Variants in PLCE1 observed in about 807,000 individuals in gnomAD.
PLCE1 encodes the protein 1-phosphatidylinositol 4,5-bisphosphate phosphodiesterase epsilon-1.
In PLCE1, 119 loss-of-function variants were observed where a neutral mutation model predicts 242.8. That is an observed-to-expected ratio of 0.49 (90% CI 0.42 to 0.57). PLCE1 has a LOEUF of 0.57. Among genes scored for constraint, PLCE1 ranks in the 20% least tolerant of loss-of-function variants. PLCE1 has a pLI of 0.00. For missense variants in PLCE1, 2,441 were observed against 2,788.8 expected, an observed-to-expected ratio of 0.88 and a Z score of 2.81; for synonymous variants, 945 against 1,017.4, an observed-to-expected ratio of 0.93 and a Z score of 1.35.
intron 22 of PLCE1, among the ~76,000 whole-genome samples, chr10:94,288,352 A>G (rs1379794477): frequency 2.0e-5 from 3 of 152,208 alleles, no homozygotes; most frequent in East Asian, 3.8e-4. Flanking sequence ...AGATCATCAG[A>G]TAAGATCGTG....
At chr10:94,233,932 A>AGT in intron 5 of PLCE1, 122 bp from the exon 6 acceptor site, 2 of 858,482 alleles carry the variant, frequency 2.3e-6, no homozygotes, top group Non-Finnish European at 3.7e-6. Context: ...TGGGCAACAG[A>AGT]GTGAGACTCC....
chr10:94,244,081 G>A (rs548312062), intron 7 of PLCE1, among the ~76,000 whole-genome samples: 8 of 152,248 alleles, frequency 5.3e-5, no homozygotes, highest in African/African-American at 1.9e-4. Context: ...CGTCAGATTT[G>A]TGAGACACTA....
chr10:94,286,678 G>A (rs920564467), intron 22 of PLCE1, among the ~76,000 whole-genome samples: 2 of 152,106 alleles, frequency 1.3e-5, no homozygotes, highest in African/African-American at 4.8e-5. Flanking sequence ...TCCTGTTGAG[G>A]AGGATATGAA....
rs1422511545 is a variant in PLCE1, at chr10:94,298,762, A to G, written c.5458+93A>G. ...TTTTTTCAAAGGGGCAAGATTCCAG[A>G]CTGGGGCACACCATATGTGAGAGTA... On this transcript the variant is annotated intron_variant, in intron 24 of 32. Coordinates refer to ENST00000371380, the MANE Select transcript of PLCE1 (RefSeq NM_016341.4). The surrounding 1 kb of genome is among the most constrained non-coding windows in gnomAD (Gnocchi z 5.2). 3 of 1,230,890 alleles carry G rather than the reference A, an allele frequency of 2.4e-6. No homozygotes were observed. In the East Asian group the frequency reaches 7.0e-5, roughly 29 times the overall value. 76.2% of individuals were successfully genotyped at this position (1,230,890 alleles called of 1,614,324 possible).
intron 8 of PLCE1, among the ~76,000 whole-genome samples, chr10:94,248,566 G>A (rs952980732): frequency 1.3e-5 from 2 of 151,286 alleles, no homozygotes; most frequent in African/African-American, 4.9e-5. Context: ...CTCCAGCCTG[G>A]GTGACAGAGC....
chr10:94,236,855 C>CCT (rs141019317), intron 7 of PLCE1, among the ~76,000 whole-genome samples: 3,752 of 150,566 alleles, frequency 0.025, 87 homozygotes, highest in African/African-American at 0.071. Context: ...TCTTAATCTC[C>CCT]CTCTCTCTCT....
intron 1 of PLCE1, among the ~76,000 whole-genome samples, chr10:94,004,641 T>G (rs2060999989): frequency 6.6e-6 from 1 of 152,208 alleles, no homozygotes; most frequent in Admixed American, 6.5e-5. Context: ...TGCTTACGTG[T>G]TGCCCCTCAT....
intron 4 of PLCE1, among the ~76,000 whole-genome samples, chr10:94,217,694 T>C (rs1041481698): frequency 6.6e-6 from 1 of 152,196 alleles, no homozygotes; most frequent in Non-Finnish European, 1.5e-5. Flanking sequence ...TTCTCCCTAG[T>C]TGATTTTAAA....
intron 23 of PLCE1, among the ~76,000 whole-genome samples, chr10:94,297,282 G>A (rs969561764): frequency 5.3e-5 from 8 of 152,022 alleles, no homozygotes; most frequent in Admixed American, 2.6e-4. Context: ...TCAGGGAATC[G>A]TGAGGCACAA....
At chr10:94,238,628 T>A (rs1447320901) in intron 7 of PLCE1, among the ~76,000 whole-genome samples, 1 of 152,204 alleles carries the variant, frequency 6.6e-6, no homozygotes, top group African/African-American at 2.4e-5. Context: ...CTTTTTTATT[T>A]ACCAGCATAA....
In PLCE1 at chr10:94,298,355, C is replaced by T. The variant is rs572495657; in HGVS notation, c.5168-24C>T. 129 of 1,609,444 alleles carry T rather than the reference C, an allele frequency of 8.0e-5. 2 individuals are homozygous for T. The South Asian group carries it at 1.3e-3, about 17-fold the overall frequency. ...ATTTAAAGTTTTCTACACTAATCTGCGGCTAATTTCTTGGGGGGTTTAGGT... is the reference window on the plus strand; with the variant it reads ...ATTTAAAGTTTTCTACACTAATCTGTGGCTAATTTCTTGGGGGGTTTAGGT... On this transcript the variant is annotated intron_variant, in intron 23 of 32. Coordinates refer to ENST00000371380, the MANE Select transcript of PLCE1 (RefSeq NM_016341.4). This position sits in a 1 kb window ranked among gnomAD's most constrained non-coding sequence, Gnocchi z 5.2.
intron 1 of PLCE1, among the ~76,000 whole-genome samples, chr10:94,009,434 A>T (rs2061122889): frequency 6.6e-6 from 1 of 152,172 alleles, no homozygotes. Context: ...GGAGGGCACA[A>T]ACATCCAACT....
intron 4 of PLCE1, among the ~76,000 whole-genome samples, chr10:94,179,530 T>TTTTTTTTTTTTAGA (rs10636243): frequency 8.4e-6 from 1 of 118,826 alleles, no homozygotes; most frequent in East Asian, 2.5e-4. Context: ...TTTTTTTTTT[T>TTTTTTTTTTTTAGA]GACAGGGTCT....
At chr10:94,039,577 G>A (rs986100813) in intron 2 of PLCE1, among the ~76,000 whole-genome samples, 5 of 151,982 alleles carry the variant, frequency 3.3e-5, no homozygotes, top group Non-Finnish European at 5.9e-5. Context: ...GTAGAGACAG[G>A]GTGTCACCAT....
chr10:94,194,727 T>C (rs1010269158), intron 4 of PLCE1, among the ~76,000 whole-genome samples: 9 of 152,226 alleles, frequency 5.9e-5, no homozygotes, highest in African/African-American at 2.2e-4. Flanking sequence ...TGATCTAATA[T>C]GTAGGGATGT....
intron 3 of PLCE1, chr10:94,137,878 C>A: frequency 3.3e-6 from 1 of 300,132 alleles, no homozygotes; most frequent in South Asian, 4.0e-5. Context: ...ACAGTCTCCA[C>A]TGAAAAATGA....
At chr10:94,238,471 C>T (rs1375588547) in intron 7 of PLCE1, among the ~76,000 whole-genome samples, 1 of 152,128 alleles carries the variant, frequency 6.6e-6, no homozygotes, top group Non-Finnish European at 1.5e-5. Context: ...GATCCTTTGT[C>T]CTAAAATGCT....
chr10:94,316,638 G>A lies in PLCE1; in HGVS notation c.6224G>A (p.Cys2075Tyr), dbSNP rs1317450115. The A allele has an allele frequency of 1.2e-6, 2 of 1,610,682 alleles. No individual in the cohort carries two copies. Among genetic ancestry groups the A allele is most frequent in the Non-Finnish European group, 1.7e-6 (2 of 1,176,880 alleles). The change falls in exon 29 of 33, where the codon TGT becomes TAT. Residue 2075 changes from cysteine (C) to tyrosine (Y), a missense_variant. Physicochemically the swap from Cys to Tyr is radical, Grantham distance 194 (BLOSUM62 -2). Coordinates refer to ENST00000371380, the MANE Select transcript of PLCE1 (RefSeq NM_016341.4). ...KYFISKEKNECRKQPFQRAIG... is the reference protein window; with the variant it reads ...KYFISKEKNEYRKQPFQRAIG... ...TTTATATCTAAAGAAAAGAATGAAT[G>A]TAGGAAACAACCATTCCAGAGAGCC...
intron 3 of PLCE1, among the ~76,000 whole-genome samples, chr10:94,146,141 A>G (rs2047104330): frequency 6.6e-6 from 1 of 152,148 alleles, no homozygotes; most frequent in South Asian, 2.1e-4. Context: ...ATTAGGACCA[A>G]TAGCCTGGAG....
Sources: gnomAD v4.1 joint callset for allele counts (sites outside exome capture counted in the v4.1 genomes callset) on GRCh38, gnomAD v4.1.1 for gene constraint, Gnocchi (gnomAD v3.1) non-coding constraint, MANE v1.5 for transcripts, NCBI Gene and HGNC (gene_info 2026-07-23, HGNC 2026-07-21) for gene names.